USP12: variants seen among roughly 807,000 people sequenced by gnomAD.
The protein encoded by USP12 is ubiquitin carboxyl-terminal hydrolase 12.
USP12 carries 19 observed loss-of-function variants against 45.5 expected under a neutral mutation model. The ratio of observed to expected loss-of-function variants is 0.42; its 90% confidence interval spans 0.29 to 0.61. The LOEUF (loss-of-function observed/expected upper bound fraction) is 0.61. Among genes scored for constraint, USP12 ranks in the 20% least tolerant of loss-of-function variants. The pLI is 0.22. For synonymous variants in USP12, 149 were observed against 148.8 expected (o/e 1.00, Z -0.01); for missense variants, 242 against 447.7 (o/e 0.54, Z 4.15).
chr13:27,135,316 T>G (rs1876751694), intron 1 of USP12, among the ~76,000 whole-genome samples: 1 of 152,242 alleles, frequency 6.6e-6, no homozygotes, highest in Non-Finnish European at 1.5e-5. Context: ...ATTTATTTTG[T>G]TTGATCTCAA....
intron 4 of USP12, among the ~76,000 whole-genome samples, chr13:27,091,156 C>T (rs1042859254): frequency 4.0e-5 from 6 of 151,134 alleles, no homozygotes; most frequent in African/African-American, 1.5e-4. Flanking sequence ...ACAGACAACT[C>T]AGAGAGAAAA....
intron 8 of USP12, among the ~76,000 whole-genome samples, chr13:27,070,078 C>T (rs1873171742): frequency 6.6e-6 from 1 of 152,156 alleles, no homozygotes; most frequent in African/African-American, 2.4e-5. Context: ...GACAAAAAGT[C>T]AAATTTCTAA....
Position 27,075,204 on chromosome 13 carries a change from C to T in USP12, c.919G>A (p.Val307Ile). 6.2e-7 allele frequency: 1 copy of T among 1,613,906 alleles called. No homozygotes were observed. The change falls in exon 7 of 9, where the codon GTT becomes ATT. Residue 307 changes from valine to isoleucine, a missense_variant. Val to Ile is a conservative substitution (Grantham distance 29). Around this residue, in one of 5 missense-constraint regions of USP12, gnomAD observed 94 missense variants for 168.3 expected, o/e 0.56. Coordinates refer to ENST00000282344, the MANE Select transcript of USP12 (RefSeq NM_182488.4). ...AGTTGCAATTACCTTCCACAGTGAA[C>T]CACAACAGCAACAAGGTCGTACATT... ...DRMYDLVAVV[V>I]HCGSGPNRGH...
At chr13:27,165,733 T>A (rs188865501) in intron 1 of USP12, among the ~76,000 whole-genome samples, 28 of 152,292 alleles carry the variant, frequency 1.8e-4, no homozygotes, top group Admixed American at 1.5e-3. Flanking sequence ...TTGTGAATTA[T>A]TAGGCTGTTG....
At chr13:27,075,109 T>C (rs1873417017) in intron 7 of USP12, 82 bp downstream of exon 7, 3 of 1,355,020 alleles carry the variant, frequency 2.2e-6, no homozygotes, top group Admixed American at 4.4e-5. Flanking sequence ...GTTCTATATA[T>C]GAATAATTCA....
chr13:27,167,433 A>G (rs1392505587), intron 1 of USP12, among the ~76,000 whole-genome samples: 2 of 152,156 alleles, frequency 1.3e-5, no homozygotes, highest in Admixed American at 1.3e-4. Flanking sequence ...GGGCTTAAAT[A>G]AAACTTCTAT....
chr13:27,119,015 GAAAAATGTTAGC>G (rs1875867530), intron 1 of USP12, among the ~76,000 whole-genome samples: 1 of 152,110 alleles, frequency 6.6e-6, no homozygotes, highest in African/African-American at 2.4e-5. Context: ...AACTGTTAAA[GAAAAATGTTAGC>G]AACTACTTTA....
At chr13:27,127,163 C>G (rs1876278993) in intron 1 of USP12, among the ~76,000 whole-genome samples, 1 of 152,182 alleles carries the variant, frequency 6.6e-6, no homozygotes, top group South Asian at 2.1e-4. Flanking sequence ...AGACAATGAG[C>G]TACTGAAAGA....
intron 1 of USP12, chr13:27,169,111 G>A (rs185507315): frequency 2.8e-4 from 43 of 152,322 alleles, no homozygotes; most frequent in Admixed American, 7.8e-4. Context: ...AACTGCAGAA[G>A]TAAATGATAA....
chr13:27,170,880 C>G (rs1878562309), intron 1 of USP12, among the ~76,000 whole-genome samples: 1 of 152,248 alleles, frequency 6.6e-6, no homozygotes, highest in African/African-American at 2.4e-5. Flanking sequence ...AACGGGAGAG[C>G]TCGTGCCTCT....
At chr13:27,147,556 AAAGTGTATGTC>A (rs1877362902) in intron 1 of USP12, among the ~76,000 whole-genome samples, 1 of 152,184 alleles carries the variant, frequency 6.6e-6, no homozygotes, top group South Asian at 2.1e-4. Flanking sequence ...AAAGAAAAAC[AAAGTGTATGTC>A]ATAAACACAA....
At chr13:27,086,421 CTA>C (rs1371366164) in intron 6 of USP12, among the ~76,000 whole-genome samples, 1 of 151,136 alleles carries the variant, frequency 6.6e-6, no homozygotes, top group Non-Finnish European at 1.5e-5. Context: ...ATTTTAGGGA[CTA>C]TGTGTGTATA....
intron 6 of USP12, among the ~76,000 whole-genome samples, chr13:27,086,305 AC>A (rs1874043475): frequency 3.3e-5 from 4 of 119,630 alleles, no homozygotes; most frequent in African/African-American, 1.2e-4. Context: ...ACACACACAC[AC>A]ACAATGCAGC....
intron 1 of USP12, among the ~76,000 whole-genome samples, chr13:27,161,289 A>T (rs1878096674): frequency 6.6e-6 from 1 of 152,212 alleles, no homozygotes; most frequent in African/African-American, 2.4e-5. Flanking sequence ...TTGGACTAAG[A>T]TAATCACATA....
intron 1 of USP12, among the ~76,000 whole-genome samples, chr13:27,165,855 A>G (rs1470682914): frequency 6.6e-6 from 1 of 152,156 alleles, no homozygotes; most frequent in East Asian, 1.9e-4. Flanking sequence ...GTCTGATTCT[A>G]TGCTTTTTAT....
intron 1 of USP12, among the ~76,000 whole-genome samples, chr13:27,149,564 G>C (rs191859870): frequency 1.3e-5 from 2 of 152,164 alleles, no homozygotes; most frequent in South Asian, 2.1e-4. Context: ...GCCATCAATT[G>C]TATTGATCTC....
chr13:27,130,887 G>A lies in USP12; in HGVS notation c.49-14291C>T, dbSNP rs571788446. 8.1e-4 allele frequency among the ~76,000 whole-genome samples: 123 copies of A among 152,278 alleles called. 1 individual carries two copies. Among genetic ancestry groups the A allele is most frequent in the Non-Finnish European group, 1.5e-3 (101 of 68,034 alleles). On this transcript the variant is annotated intron_variant, in intron 1 of 8. Coordinates refer to ENST00000282344, the MANE Select transcript of USP12 (RefSeq NM_182488.4). ...TCCAAAAGATTAGCTAATTCTTGAA[G>A]GCAACAACATTTAAATTCCACCACT...
chr13:27,171,206 G>A (rs1329155362), intron 1 of USP12, among the ~76,000 whole-genome samples: 3 of 150,326 alleles, frequency 2.0e-5, no homozygotes, highest in East Asian at 4.0e-4. Context: ...TGGCTCGCGC[G>A]CGCCCACCCC....
In USP12 at chr13:27,167,202, C is replaced by T. The variant is rs192345492; in HGVS notation, c.48+4390G>A. Among the ~76,000 whole-genome samples the T allele has an allele frequency of 3.2e-4, 48 of 151,790 alleles. No individual in the cohort carries two copies. The Middle Eastern group carries it at 0.01, about 32-fold the overall frequency. On this transcript the variant is annotated intron_variant, in intron 1 of 8. Transcript: ENST00000282344. The stretch of plus-strand genomic sequence containing the variant: ...ACTTGAACCTGGGAGGTGGAGGTTG[C>T]GGTGAGCCAAGATTGCAGCATTGCA...
Sources: gnomAD v4.1 joint callset for allele counts (sites outside exome capture counted in the v4.1 genomes callset) on GRCh38, gnomAD v4.1.1 for gene constraint, gnomAD v4.1.1 regional missense constraint, MANE v1.5 for transcripts, NCBI Gene and HGNC (gene_info 2026-07-23, HGNC 2026-07-21) for gene names.